The following RPAP2 variants were observed in gnomAD, a reference collection of about 807,000 sequenced individuals.
RPAP2 encodes RNA polymerase II associated protein 2, also known as putative RNA polymerase II subunit B1 CTD phosphatase RPAP2.
RPAP2 carries 52 observed loss-of-function variants against 73.1 expected under a neutral mutation model. That is an observed-to-expected ratio of 0.71 (90% CI 0.57 to 0.90). The LOEUF (loss-of-function observed/expected upper bound fraction) is 0.90, where lower values mean the gene tolerates loss of function less well. RPAP2 is among the 40% of genes least tolerant of loss of function. RPAP2 has a pLI of 0.00. For missense variants in RPAP2, 598 were observed against 701.8 expected (o/e 0.85, Z 1.67); for synonymous variants, 225 against 242.1 (o/e 0.93, Z 0.65).
In RPAP2 at chr1:92,336,360, C is replaced by G; in HGVS notation, c.1552C>G (p.Leu518Val). 6.2e-7 allele frequency: 1 copy of G among 1,607,310 alleles called. No individual in the cohort carries two copies. The highest frequency in any genetic ancestry group is 2.2e-5 in the East Asian group (1 of 44,726). Residue 518 changes from leucine (L) to valine (V), a missense_variant, in exon 10 of 13, where the codon CTG becomes GTG. Physicochemically the swap from Leu to Val is conservative, Grantham distance 32. Transcript: ENST00000610020. ...EKLSKVLPGLLVPLQITLGDI... is the reference protein window; with the variant it reads ...EKLSKVLPGLVVPLQITLGDI... Reference sequence around the variant, plus strand: ...TTAAATTTTCAGGTTGCCTGGGCTTCTGGTTCCTCTTCAGATTACATTGGG... The same window carrying G: ...TTAAATTTTCAGGTTGCCTGGGCTTGTGGTTCCTCTTCAGATTACATTGGG...
rs1457804928 is a variant in RPAP2, at chr1:92,395,958, TG to T, written c.*8948del. On this transcript the variant is annotated 3_prime_UTR_variant, in exon 13 of 13. Transcript: ENST00000610020. ...AAAGACAGACAAAGATATGTGTTGGTGATGATGTGGAGAAACTGGAGCCCTA... is the reference window on the plus strand; with the variant it reads ...AAAGACAGACAAAGATATGTGTTGGTATGATGTGGAGAAACTGGAGCCCTA... 1 of 152,154 alleles carries T rather than the reference TG, an allele frequency of 6.6e-6. No homozygotes were observed. Among genetic ancestry groups the T allele is most frequent in the East Asian group, 1.9e-4 (1 of 5,202 alleles). The allele number at this position is 152,154 out of a possible 1,614,324, so 9.4% of individuals were successfully genotyped here. A position where few individuals can be genotyped will look rare whatever the true frequency, so the allele number is the denominator to read the frequency against.
chr1:92,365,780 T>C (rs1400360329), intron 11 of RPAP2, among the ~76,000 whole-genome samples: 3 of 152,134 alleles, frequency 2.0e-5, no homozygotes, highest in East Asian at 1.9e-4. Flanking sequence ...TCTTTGAAAA[T>C]TGTAAGATCT....
Position 92,390,580 on chromosome 1 carries a change from A to G in RPAP2, c.*3569A>G, listed in dbSNP as rs1656009353. 6.6e-6 allele frequency: 1 copy of G among 152,214 alleles called. No homozygotes were observed. The highest frequency in any genetic ancestry group is 6.5e-5 in the Admixed American group (1 of 15,284). The allele number at this position is 152,214 out of a possible 1,614,324, so 9.4% of individuals were successfully genotyped here. On this transcript the variant is annotated 3_prime_UTR_variant, in exon 13 of 13. Coordinates refer to ENST00000610020, the MANE Select transcript of RPAP2 (RefSeq NM_024813.3). ...AAATGTAAATGGGATAAATGCCCCA[A>G]TTAAAAGACACAGACTGGCAAATTG...
intron 6 of RPAP2, among the ~76,000 whole-genome samples, chr1:92,309,562 C>T (rs112525884): frequency 3.0e-4 from 6 of 20,100 alleles, no homozygotes; most frequent in Non-Finnish European, 4.7e-4. Flanking sequence ...CATACACATA[C>T]ACATACACAT....
At chr1:92,307,154 A>G (rs1318215697) in intron 5 of RPAP2, 34 bp from the exon 6 acceptor site, 1 of 1,441,548 alleles carries the variant, frequency 6.9e-7, no homozygotes, top group East Asian at 2.3e-5. Context: ...GTTTCATGAT[A>G]AGAAAAAAAC....
chr1:92,338,978 G>T (rs1029263724), intron 10 of RPAP2, among the ~76,000 whole-genome samples: 1 of 152,100 alleles, frequency 6.6e-6, no homozygotes, highest in Non-Finnish European at 1.5e-5. Flanking sequence ...TCACCATTCT[G>T]AGCAAACCGA....
chr1:92,301,089 A>G (rs1415824043), intron 2 of RPAP2, among the ~76,000 whole-genome samples: 1 of 152,244 alleles, frequency 6.6e-6, no homozygotes, highest in Non-Finnish European at 1.5e-5. Flanking sequence ...CTAAGTAGAC[A>G]TTAACCATAC....
At chr1:92,319,645 A>T (rs1243303632) in intron 6 of RPAP2, among the ~76,000 whole-genome samples, 3 of 152,140 alleles carry the variant, frequency 2.0e-5, no homozygotes, top group Non-Finnish European at 4.4e-5. Context: ...ACAATTATAA[A>T]CAGTCTCTGC....
Position 92,299,117 on chromosome 1 carries a change from G to A in RPAP2, c.44G>A (p.Gly15Glu), listed in dbSNP as rs888166044. 8 of 1,522,708 alleles carry A rather than the reference G, an allele frequency of 5.3e-6. No individual in the cohort carries two copies. Among genetic ancestry groups the A allele is most frequent in the Non-Finnish European group, 6.2e-6 (7 of 1,132,174 alleles). The allele number at this position is 1,522,708 out of a possible 1,614,324, so 94.3% of individuals were successfully genotyped here. The change falls in exon 1 of 13, where the codon GGG (glycine) becomes GAG (glutamate). Residue 15 changes from glycine to glutamate, a missense_variant. Gly to Glu is a moderately conservative substitution (Grantham distance 98, BLOSUM62 -2). This residue lies in a region of RPAP2 where 77 missense variants were observed against 55.7 expected (regional missense o/e 1.38). Coordinates refer to ENST00000610020, the MANE Select transcript of RPAP2 (RefSeq NM_024813.3). ...AGPSSAGRKA[G>E]APRCSRKAAG... The stretch of plus-strand genomic sequence containing the variant: ...CCGTCTTCTGCCGGCCGCAAGGCCG[G>A]GGCTCCCCGCTGCTCTCGAAAAGCC...
chr1:92,336,447 T>A lies in RPAP2; in HGVS notation c.1619+20T>A, dbSNP rs1440772310. On this transcript the variant is annotated intron_variant, in intron 10 of 12. Transcript: ENST00000610020. Reference sequence around the variant, plus strand: ...TTTCAGGTTAGTGTTTATATTACAATTATCCTTCTCAATTATTTTGACTTT... The same window carrying A: ...TTTCAGGTTAGTGTTTATATTACAAATATCCTTCTCAATTATTTTGACTTT... 1 of 1,477,810 alleles carries A rather than the reference T, an allele frequency of 6.8e-7. No individual in the cohort carries two copies. Among genetic ancestry groups the A allele is most frequent in the Non-Finnish European group, 9.4e-7 (1 of 1,061,032 alleles). 91.5% of individuals were successfully genotyped at this position (1,477,810 alleles called of 1,614,324 possible).
chr1:92,360,638 T>C (rs961357278), intron 11 of RPAP2, among the ~76,000 whole-genome samples: 7 of 152,190 alleles, frequency 4.6e-5, no homozygotes, highest in African/African-American at 1.7e-4. Flanking sequence ...TTGCCTCTTT[T>C]TCTTTCCTAA....
At chr1:92,378,364 C>T (rs1425485491) in intron 11 of RPAP2, among the ~76,000 whole-genome samples, 3 of 152,100 alleles carry the variant, frequency 2.0e-5, no homozygotes, top group Non-Finnish European at 4.4e-5. Flanking sequence ...ACCACCACAC[C>T]AGGCTAATTT....
intron 6 of RPAP2, 72 bp downstream of exon 6, chr1:92,307,348 C>A: frequency 2.9e-6 from 3 of 1,031,304 alleles, no homozygotes; most frequent in Non-Finnish European, 4.3e-6. Context: ...TTGAGATTAG[C>A]TGAGAGTAAG....
intron 8 of RPAP2, 32 bp downstream of exon 8, chr1:92,324,407 T>C (rs774671890): frequency 7.3e-6 from 11 of 1,512,130 alleles, no homozygotes; most frequent in Non-Finnish European, 4.5e-6. Flanking sequence ...TTTTTCCAGA[T>C]CGTTAACATT....
intron 11 of RPAP2, among the ~76,000 whole-genome samples, chr1:92,365,035 A>G (rs1047759539): frequency 2.5e-4 from 38 of 152,164 alleles, no homozygotes; most frequent in African/African-American, 8.5e-4. Flanking sequence ...ATCATCTTCA[A>G]TAGGACTTGA....
chr1:92,381,588 C>CTT (rs4000737), intron 12 of RPAP2, among the ~76,000 whole-genome samples: 104,193 of 139,232 alleles, frequency 0.75, 39,308 homozygotes, highest in East Asian at 0.94. Context: ...GGGAGATTTT[C>CTT]TTTTTTTTTT....
chr1:92,359,141 G>A (rs1183559273), intron 11 of RPAP2, among the ~76,000 whole-genome samples: 1 of 152,158 alleles, frequency 6.6e-6, no homozygotes, highest in Non-Finnish European at 1.5e-5. Context: ...AAATGAAAAG[G>A]AAGAGACAAA....
intron 10 of RPAP2, among the ~76,000 whole-genome samples, chr1:92,340,599 T>G (rs1441993263): frequency 6.6e-6 from 1 of 152,180 alleles, no homozygotes; most frequent in East Asian, 1.9e-4. Flanking sequence ...CCCTAGAGAT[T>G]GAGTTTCATT....
chr1:92,371,166 G>A (rs536243392), intron 11 of RPAP2, among the ~76,000 whole-genome samples: 16 of 152,116 alleles, frequency 1.1e-4, no homozygotes, highest in South Asian at 6.2e-4. Flanking sequence ...TCAGCCAGGC[G>A]TGGTGGCATG....
Sources: allele counts gnomAD v4.1 joint callset (sites outside exome capture counted in the v4.1 genomes callset), GRCh38; gene constraint gnomAD v4.1.1; regional missense constraint gnomAD v4.1.1; transcripts MANE v1.5; gene names NCBI Gene and HGNC (gene_info 2026-07-23, HGNC 2026-07-21).